A2ML1: variants seen among roughly 807,000 people sequenced by gnomAD.
The protein encoded by A2ML1 is alpha-2-macroglobulin-like protein 1.
Under a neutral mutation model 181.9 loss-of-function variants are expected in A2ML1, and 161 were observed. The observed-to-expected ratio is 0.89, with a 90% CI of 0.78 to 1.01. The LOEUF (loss-of-function observed/expected upper bound fraction) is 1.01. A2ML1 is among the 50% of genes least tolerant of loss of function. The pLI is 0.00. For missense variants in A2ML1, 1,670 were observed against 1,768.1 expected, an observed-to-expected ratio of 0.94 and a Z score of 1.00; for synonymous variants, 663 against 666.8, an observed-to-expected ratio of 0.99 and a Z score of 0.09.
At chr12:8,827,015 G>C (rs1942951594) in intron 3 of A2ML1, among the ~76,000 whole-genome samples, 2 of 152,228 alleles carry the variant, frequency 1.3e-5, no homozygotes, top group African/African-American at 4.8e-5. Flanking sequence ...GGCTAAATCT[G>C]CTTGGTGTTC....
chr12:8,833,903 C>T (rs1164423617), intron 4 of A2ML1, among the ~76,000 whole-genome samples: 1 of 152,120 alleles, frequency 6.6e-6, no homozygotes, highest in Non-Finnish European at 1.5e-5. Flanking sequence ...AGTGGTTCAG[C>T]TTCTTCACTG....
At chr12:8,873,219 G>A (rs756032002) in intron 33 of A2ML1, among the ~76,000 whole-genome samples, 6 of 151,282 alleles carry the variant, frequency 4.0e-5, no homozygotes, top group East Asian at 3.9e-4. Context: ...CGTTAATAGC[G>A]CTATATCTAA....
rs748480902 is a variant in A2ML1 at position 8,848,309 on chromosome 12, T to C, written c.1834-411T>C. On this transcript the variant is annotated intron_variant, in intron 15 of 35. Transcript: ENST00000299698. The stretch of plus-strand genomic sequence containing the variant: ...CAGCCTGACCAACATGGTGAAACCC[T>C]GTCTCTACTAAAAATACAAAAATTA... 2.6e-5 allele frequency among the ~76,000 whole-genome samples: 4 copies of C among 151,944 alleles called. No homozygotes were observed. The East Asian group carries it at 7.8e-4, about 29-fold the overall frequency.
intron 10 of A2ML1, among the ~76,000 whole-genome samples, chr12:8,840,617 A>G (rs1943434728): frequency 6.6e-6 from 1 of 152,070 alleles, no homozygotes; most frequent in African/African-American, 2.4e-5. Context: ...TAAGAAAAAG[A>G]AAGCAAAATA....
At chr12:8,830,552 G>A (rs903758161) in intron 4 of A2ML1, 3 of 152,108 alleles carry the variant, frequency 2.0e-5, no homozygotes, top group African/African-American at 4.8e-5. Flanking sequence ...AACATTTTGC[G>A]AATATTTGAT....
Position 8,852,453 on chromosome 12 carries a change from T to A in A2ML1, c.2590+117T>A, listed in dbSNP as rs1271062966. ...TGCTTCCTCCTCCATTTTCCACTAT[T>A]TTTCTCCCTCCTAAGGCTGTTATAA... On this transcript the variant is annotated intron_variant, in intron 20 of 35. Coordinates refer to ENST00000299698, the MANE Select transcript of A2ML1 (RefSeq NM_144670.6). This position sits in a 1 kb window ranked among gnomAD's most constrained non-coding sequence, Gnocchi z 4.2. 1 of 1,464,736 alleles carries A rather than the reference T, an allele frequency of 6.8e-7. No individual in the cohort carries two copies. The highest frequency in any genetic ancestry group is 9.3e-7 in the Non-Finnish European group (1 of 1,073,946). 90.7% of individuals were successfully genotyped at this position (1,464,736 alleles called of 1,614,324 possible).
chr12:8,874,726 T>G (rs879466974), intron 34 of A2ML1, among the ~76,000 whole-genome samples, 199 bp downstream of exon 34: 8 of 152,274 alleles, frequency 5.3e-5, no homozygotes, highest in Middle Eastern at 6.8e-3. Flanking sequence ...ACTAGAGACA[T>G]TTTATGTGAT....
chr12:8,841,882 A>G (rs946750118), intron 11 of A2ML1, among the ~76,000 whole-genome samples: 1 of 152,154 alleles, frequency 6.6e-6, no homozygotes, highest in African/African-American at 2.4e-5. Context: ...TCATTACTTA[A>G]TAAAAACAGC....
downstream of A2ML1, among the ~76,000 whole-genome samples, chr12:8,881,129 T>C (rs2137011987): frequency 6.6e-6 from 1 of 152,276 alleles, no homozygotes; most frequent in Middle Eastern, 3.4e-3. Flanking sequence ...GTGGATTACA[T>C]ACAGGAGAAA....
intron 4 of A2ML1, among the ~76,000 whole-genome samples, chr12:8,831,993 G>T (rs954163128): frequency 1.3e-5 from 2 of 151,992 alleles, no homozygotes; most frequent in African/African-American, 2.4e-5. Context: ...CAAGTGATCC[G>T]CCCGCCTCGG....
chr12:8,845,027 T>G, intron 12 of A2ML1: 1 of 1,429,884 alleles, frequency 7.0e-7, no homozygotes, highest in Non-Finnish European at 9.1e-7. Context: ...CTCAGGGTGG[T>G]TTAGGATGAA....
intron 3 of A2ML1, among the ~76,000 whole-genome samples, chr12:8,827,881 G>A (rs1343192815): frequency 6.6e-6 from 1 of 152,192 alleles, no homozygotes; most frequent in Non-Finnish European, 1.5e-5. Context: ...CTCCTTGATG[G>A]TCTTGGATAA....
Position 8,854,769 on chromosome 12 carries a change from C to G in A2ML1, c.2713-11C>G. 2 of 1,614,110 alleles carry G rather than the reference C, an allele frequency of 1.2e-6. No homozygotes were observed. Among genetic ancestry groups the G allele is most frequent in the Non-Finnish European group, 1.7e-6 (2 of 1,180,016 alleles). On this transcript the variant is annotated splice_polypyrimidine_tract_variant and intron_variant, in intron 21 of 35. Coordinates refer to ENST00000299698, the MANE Select transcript of A2ML1 (RefSeq NM_144670.6). Reference sequence around the variant, plus strand: ...CTTTGTTGTTTTTATCTGTGTCTCTCTTCATCGCAGCCTGAGGGAGTCCTG... The same window carrying G: ...CTTTGTTGTTTTTATCTGTGTCTCTGTTCATCGCAGCCTGAGGGAGTCCTG...
chr12:8,874,107 C>T lies in A2ML1; in HGVS notation c.4222-318C>T, dbSNP rs139876021. Among the ~76,000 whole-genome samples the T allele has an allele frequency of 0.011, 1,696 of 152,140 alleles. 38 individuals are homozygous for T. The highest frequency in any genetic ancestry group is 0.039 in the African/African-American group (1,609 of 41,498). On this transcript the variant is annotated intron_variant, in intron 33 of 35. Coordinates refer to ENST00000299698, the MANE Select transcript of A2ML1 (RefSeq NM_144670.6). ...CTCGGCTCACTGCAACATCTGCCTCCCAGGTTCAAGCGATTCTTCTGCCTC... is the reference window on the plus strand; with the variant it reads ...CTCGGCTCACTGCAACATCTGCCTCTCAGGTTCAAGCGATTCTTCTGCCTC...
chr12:8,864,141 G>A (rs1944363924), intron 29 of A2ML1, 133 bp downstream of exon 29: 1 of 743,940 alleles, frequency 1.3e-6, no homozygotes, highest in African/African-American at 1.8e-5. Context: ...ACAATATATG[G>A]AAGTATTCAT....
chr12:8,848,139 A>C (rs1305204324), intron 15 of A2ML1, among the ~76,000 whole-genome samples: 1 of 151,304 alleles, frequency 6.6e-6, no homozygotes, highest in Admixed American at 6.6e-5. Context: ...AAAAACAAAA[A>C]AAAAAAAACA....
chr12:8,829,260 T>G (rs4883182), intron 3 of A2ML1, among the ~76,000 whole-genome samples: 44 of 152,178 alleles, frequency 2.9e-4, no homozygotes, highest in African/African-American at 9.9e-4. Context: ...TCCAGGCCTG[T>G]GTTTGGACTT....
chr12:8,836,344 G>A lies in A2ML1; in HGVS notation c.728+5G>A. 1.2e-6 allele frequency: 2 copies of A among 1,611,906 alleles called. No homozygotes were observed. Among genetic ancestry groups the A allele is most frequent in the African/African-American group, 1.3e-5 (1 of 74,982 alleles). On this transcript the variant is annotated splice_donor_5th_base_variant and intron_variant, in intron 7 of 35. Coordinates refer to ENST00000299698, the MANE Select transcript of A2ML1 (RefSeq NM_144670.6). The stretch of plus-strand genomic sequence containing the variant: ...CTTAGTAAAAATTTGTTGTAGGTAA[G>A]AGCAGAAGCTTGGGATCTGGTGGAG...
rs983761541 is a variant in A2ML1, at chr12:8,869,206, A to G, written c.4221+3A>G. 4.3e-6 allele frequency: 7 copies of G among 1,613,886 alleles called. No homozygotes were observed. The African/African-American group carries it at 9.3e-5, about 22-fold the overall frequency. On this transcript the variant is annotated splice_donor_region_variant and intron_variant, in intron 33 of 35. Coordinates refer to ENST00000299698, the MANE Select transcript of A2ML1 (RefSeq NM_144670.6). ...CACTTAACATTTACTTGGATGAGGT[A>G]GGTATTCAGGAACCAGATCAAAGAG...
Sources: gnomAD v4.1 joint callset for allele counts (sites outside exome capture counted in the v4.1 genomes callset) on GRCh38, gnomAD v4.1.1 for gene constraint, Gnocchi (gnomAD v3.1) non-coding constraint, MANE v1.5 for transcripts, NCBI Gene and HGNC (gene_info 2026-07-23, HGNC 2026-07-21) for gene names.